ESR1: variants seen among roughly 807,000 people sequenced by gnomAD.
The protein encoded by ESR1 is estrogen receptor 1, also known as estrogen receptor.
In ESR1, 12 loss-of-function variants were observed where a neutral mutation model predicts 52.7. That is an observed-to-expected ratio of 0.23 (90% CI 0.15 to 0.37). The LOEUF (loss-of-function observed/expected upper bound fraction) is 0.37. Ranked by LOEUF, ESR1 falls within the 10% of genes least tolerant of loss-of-function variation. The pLI is 1.00. For synonymous variants in ESR1, 305 were observed against 316.8 expected, an observed-to-expected ratio of 0.96 and a Z score of 0.39; for missense variants, 584 against 779.7, an observed-to-expected ratio of 0.75 and a Z score of 2.99.
intron 1 of ESR1, among the ~76,000 whole-genome samples, chr6:151,825,566 CAG>C (rs1380849686): frequency 2.0e-5 from 3 of 152,042 alleles, no homozygotes; most frequent in Non-Finnish European, 4.4e-5. Flanking sequence ...AAAGAATTCC[CAG>C]AGTCACGATG....
At chr6:152,046,314 G>A (rs920942317) in intron 5 of ESR1, among the ~76,000 whole-genome samples, 12 of 152,208 alleles carry the variant, frequency 7.9e-5, no homozygotes, top group African/African-American at 2.9e-4. Context: ...AGGAACAAAA[G>A]CCTGCTCCTT....
intron 3 of ESR1, among the ~76,000 whole-genome samples, chr6:151,887,494 CA>C (rs953195336): frequency 2.6e-5 from 4 of 151,974 alleles, no homozygotes; most frequent in Non-Finnish European, 5.9e-5. Context: ...CTGGTTTCCA[CA>C]AGCAGAAGCA....
At chr6:151,940,595 C>G (rs2034938734) in intron 3 of ESR1, among the ~76,000 whole-genome samples, 1 of 152,170 alleles carries the variant, frequency 6.6e-6, no homozygotes, top group Non-Finnish European at 1.5e-5. Context: ...GTAGTCTGCT[C>G]CTAAATTCCT....
intron 5 of ESR1, among the ~76,000 whole-genome samples, chr6:152,056,962 A>T (rs955484494): frequency 6.6e-6 from 1 of 152,078 alleles, no homozygotes; most frequent in African/African-American, 2.4e-5. Flanking sequence ...TTACTTCCAG[A>T]TTCCTAGGAA....
chr6:152,011,934 G>A (rs913632928), intron 5 of ESR1, 140 bp downstream of exon 5: 2 of 863,518 alleles, frequency 2.3e-6, no homozygotes, highest in African/African-American at 3.4e-5. Context: ...TGCATTGGGG[G>A]TGATGAAGCC....
chr6:151,842,616 C>A lies in ESR1; in HGVS notation c.472C>A (p.Arg158Ser). The change falls in exon 2 of 8, where the codon CGC (arginine) becomes AGC (serine). Residue 158 changes from arginine to serine, a missense_variant. Around this residue, in one of 6 missense-constraint regions of ESR1, gnomAD observed 251 missense variants for 246.1 expected, o/e 1.02. Coordinates refer to ENST00000206249, the MANE Select transcript of ESR1 (RefSeq NM_000125.4). ...AFYRPNSDNR[R>S]QGGRERLAST... is the part of the protein sequence containing the mutation. ...CCCCAGGCCAAATTCAGATAATCGA[C>A]GCCAGGGTGGCAGAGAAAGATTGGC... 2 of 1,613,534 alleles carry A rather than the reference C, an allele frequency of 1.2e-6. No homozygotes were observed. The highest frequency in any genetic ancestry group is 8.5e-7 in the Non-Finnish European group (1 of 1,179,814).
intron 5 of ESR1, among the ~76,000 whole-genome samples, chr6:152,055,969 G>A (rs891659642): frequency 2.0e-5 from 3 of 152,162 alleles, no homozygotes; most frequent in Admixed American, 2.0e-4. Context: ...ACAGTACGTT[G>A]TGATGTTTCT....
upstream of ESR1, among the ~76,000 whole-genome samples, chr6:151,685,506 A>C (rs1230890973): frequency 6.6e-6 from 1 of 152,230 alleles, no homozygotes; most frequent in African/African-American, 2.4e-5. Context: ...GTAGTTGACA[A>C]ACGTAAACTA....
intron 1 of ESR1, among the ~76,000 whole-genome samples, chr6:151,834,891 G>A (rs1383530225): frequency 6.6e-6 from 1 of 152,000 alleles, no homozygotes; most frequent in Non-Finnish European, 1.5e-5. Flanking sequence ...AAGGGTGAGG[G>A]TGCAGGGGGT....
intron 2 of ESR1, among the ~76,000 whole-genome samples, chr6:151,756,606 A>G (rs1484842770): frequency 1.3e-5 from 2 of 152,222 alleles, no homozygotes; most frequent in Non-Finnish European, 2.9e-5. Context: ...CCAATGCTCT[A>G]TTTCCAATAT....
chr6:151,741,521 G>T (rs1471959404), intron 2 of ESR1, among the ~76,000 whole-genome samples: 3 of 152,114 alleles, frequency 2.0e-5, no homozygotes, highest in African/African-American at 7.2e-5. Context: ...CAGAAAAATT[G>T]CCCAGCAGTT....
chr6:151,993,110 A>C (rs1350289466), intron 4 of ESR1, among the ~76,000 whole-genome samples: 1 of 152,176 alleles, frequency 6.6e-6, no homozygotes, highest in East Asian at 1.9e-4. Flanking sequence ...CTTCATGACA[A>C]TAAACGAGTT....
chr6:151,993,491 GA>G (rs2041211497), intron 4 of ESR1, among the ~76,000 whole-genome samples: 1 of 152,106 alleles, frequency 6.6e-6, no homozygotes, highest in South Asian at 2.1e-4. Context: ...AAGCCACAAA[GA>G]AAACAAGTCA....
intron 4 of ESR1, among the ~76,000 whole-genome samples, chr6:151,985,613 G>C (rs1000197110): frequency 6.6e-6 from 1 of 150,954 alleles, no homozygotes. Flanking sequence ...GAGTTGAAAG[G>C]TCAGGTATCA....
At chr6:152,076,944 C>A (rs13211433) in intron 6 of ESR1, among the ~76,000 whole-genome samples, 2 of 151,950 alleles carry the variant, frequency 1.3e-5, no homozygotes, top group Non-Finnish European at 2.9e-5. Context: ...AAAGAAAAAC[C>A]CATTTTTTTG....
intron 2 of ESR1, among the ~76,000 whole-genome samples, chr6:151,704,469 G>A (rs1438259828): frequency 6.6e-6 from 1 of 152,304 alleles, no homozygotes; most frequent in Admixed American, 6.5e-5. Context: ...TGACCAGGCT[G>A]GTCTTGAACT....
chr6:151,853,384 T>A (rs1003425877), intron 2 of ESR1, among the ~76,000 whole-genome samples: 1 of 152,028 alleles, frequency 6.6e-6, no homozygotes, highest in African/African-American at 2.4e-5. Flanking sequence ...GTTAAGTGCT[T>A]GTTAGTGGTT....
intron 2 of ESR1, among the ~76,000 whole-genome samples, chr6:151,874,632 C>T (rs1057318332): frequency 6.6e-6 from 1 of 152,222 alleles, no homozygotes; most frequent in Non-Finnish European, 1.5e-5. Context: ...GAGACGAGTA[C>T]TCTGAACTTC....
At chr6:151,928,993 C>A (rs116468446) in intron 3 of ESR1, among the ~76,000 whole-genome samples, 3 of 152,034 alleles carry the variant, frequency 2.0e-5, no homozygotes, top group African/African-American at 7.2e-5. Context: ...TATCTTGGTG[C>A]GTATTCCATC....
Sources: gnomAD v4.1 joint callset for allele counts (sites outside exome capture counted in the v4.1 genomes callset) on GRCh38, gnomAD v4.1.1 for gene constraint, gnomAD v4.1.1 regional missense constraint, MANE v1.5 for transcripts, NCBI Gene and HGNC (gene_info 2026-07-23, HGNC 2026-07-21) for gene names.